SHANK2: variants seen among roughly 807,000 people sequenced by gnomAD.
SHANK2 encodes SH3 and multiple ankyrin repeat domains 2, also known as SH3 and multiple ankyrin repeat domains protein 2.
In SHANK2, 43 loss-of-function variants were observed where a neutral mutation model predicts 133.7. That is an observed-to-expected ratio of 0.32 (90% CI 0.25 to 0.41). The LOEUF is 0.41. Ranked by LOEUF, SHANK2 falls within the 10% of genes least tolerant of loss-of-function variation. The pLI is 1.00. For synonymous variants in SHANK2, 1,017 were observed against 952.8 expected (o/e 1.07, Z -1.24); for missense variants, 1,994 against 2,235.8 (o/e 0.89, Z 2.18).
chr11:71,099,772 G>T (rs781952827), intron 6 of SHANK2, among the ~76,000 whole-genome samples: 2 of 152,170 alleles, frequency 1.3e-5, no homozygotes, highest in Non-Finnish European at 2.9e-5. Flanking sequence ...GCAATTAGAG[G>T]CTGTGTTCAG....
At chr11:70,618,338 C>T (rs2060783445) in intron 17 of SHANK2, among the ~76,000 whole-genome samples, 4 of 151,060 alleles carry the variant, frequency 2.6e-5, no homozygotes, top group African/African-American at 7.3e-5. Context: ...TGATGTGATT[C>T]GTGCAGGGGT....
At chr11:70,828,668 GC>G (rs1329959091) in intron 11 of SHANK2, among the ~76,000 whole-genome samples, 1 of 152,236 alleles carries the variant, frequency 6.6e-6, no homozygotes, top group African/African-American at 2.4e-5. Context: ...ATTGCCATGT[GC>G]TGGCCTGGCT....
At chr11:70,602,417 C>G (rs957324252) in intron 17 of SHANK2, among the ~76,000 whole-genome samples, 1 of 152,168 alleles carries the variant, frequency 6.6e-6, no homozygotes, top group East Asian at 1.9e-4. Context: ...TCTCCTAACA[C>G]CTACACTCAG....
chr11:71,108,780 G>A (rs1343604970), intron 6 of SHANK2, among the ~76,000 whole-genome samples: 6 of 152,148 alleles, frequency 3.9e-5, no homozygotes, highest in African/African-American at 9.7e-5. Context: ...GCCTCCCAAC[G>A]TCACAGGCAT....
rs1949676663 is a variant in SHANK2 at position 70,882,721 on chromosome 11, G to GC, written c.1174+13779dup. ...ATCCCCACGGCTTTGCTAAAAGGCG[G>GC]CAGTGGCTTATCCTCATGTCCACAG... is the stretch of plus-strand genomic sequence containing the variant. On this transcript the variant is annotated intron_variant, in intron 11 of 25. Coordinates refer to ENST00000601538, the MANE Select transcript of SHANK2 (RefSeq NM_012309.5). This position sits in a 1 kb window ranked among gnomAD's most constrained non-coding sequence, Gnocchi z 4.2. 6.6e-6 allele frequency among the ~76,000 whole-genome samples: 1 copy of GC among 152,204 alleles called. No individual in the cohort carries two copies. Among genetic ancestry groups the GC allele is most frequent in the Non-Finnish European group, 1.5e-5 (1 of 68,040 alleles).
chr11:70,733,899 C>T (rs1946340414), intron 14 of SHANK2, among the ~76,000 whole-genome samples: 1 of 152,222 alleles, frequency 6.6e-6, no homozygotes, highest in African/African-American at 2.4e-5. Flanking sequence ...CCCCCAAGCA[C>T]TTGCTACCCC....
At chr11:71,128,442 C>T (rs577331461) in intron 3 of SHANK2, among the ~76,000 whole-genome samples, 1 of 152,262 alleles carries the variant, frequency 6.6e-6, no homozygotes, top group Non-Finnish European at 1.5e-5. Context: ...GCAGTACATA[C>T]AGCATGAGAC....
intron 10 of SHANK2, among the ~76,000 whole-genome samples, chr11:70,955,080 T>A (rs1950898508): frequency 6.6e-6 from 1 of 152,234 alleles, no homozygotes. Context: ...TCCCATTTCA[T>A]CCTTGTCCTT....
At chr11:71,131,705 A>T (rs1388372360) in intron 3 of SHANK2, among the ~76,000 whole-genome samples, 1 of 152,216 alleles carries the variant, frequency 6.6e-6, no homozygotes, top group African/African-American at 2.4e-5. Context: ...GATGCTGGCC[A>T]GAGAAGTCCC....
chr11:71,137,633 G>A (rs569546803), intron 3 of SHANK2, among the ~76,000 whole-genome samples: 3 of 152,268 alleles, frequency 2.0e-5, no homozygotes, highest in Admixed American at 6.5e-5. Context: ...AAGCCCTCCC[G>A]CCACCCACTC....
At chr11:70,849,626 T>C (rs111971102) in intron 11 of SHANK2, among the ~76,000 whole-genome samples, 20 of 152,310 alleles carry the variant, frequency 1.3e-4, no homozygotes, top group African/African-American at 2.6e-4. Flanking sequence ...ATATACATGT[T>C]AGCATGCAGT....
At chr11:70,789,980 C>A (rs1036830331) in intron 14 of SHANK2, among the ~76,000 whole-genome samples, 13 of 152,230 alleles carry the variant, frequency 8.5e-5, no homozygotes, top group African/African-American at 2.9e-4. Flanking sequence ...AGAGCCCTGG[C>A]CTGACAGTTT....
intron 10 of SHANK2, among the ~76,000 whole-genome samples, chr11:70,944,797 A>G (rs2135861126): frequency 6.6e-6 from 1 of 152,214 alleles, no homozygotes; most frequent in African/African-American, 2.4e-5. Flanking sequence ...CTGAACCTAC[A>G]AGATGACTCC....
rs149614500 is a variant in SHANK2, at chr11:70,602,270, T to A, written c.2061+57558A>T. Among the ~76,000 whole-genome samples the A allele has an allele frequency of 5.1e-3, 783 of 152,298 alleles. 2 individuals carry two copies. The highest frequency in any genetic ancestry group is 8.5e-3 in the Non-Finnish European group (575 of 68,022). On this transcript the variant is annotated intron_variant, in intron 17 of 25. Coordinates refer to ENST00000601538, the MANE Select transcript of SHANK2 (RefSeq NM_012309.5). ...TGCAGAACTGTGAGCCAATTACACC[T>A]CTTTTCTTATAAATTACCCAGTCAT...
At chr11:70,543,478 G>A (rs945651580) in intron 17 of SHANK2, among the ~76,000 whole-genome samples, 14 of 152,320 alleles carry the variant, frequency 9.2e-5, no homozygotes, top group Admixed American at 3.3e-4. Context: ...AATCATGTCC[G>A]TGTAATGAAA....
intron 11 of SHANK2, among the ~76,000 whole-genome samples, chr11:70,878,820 G>T (rs554484974): frequency 2.0e-5 from 3 of 152,268 alleles, no homozygotes; most frequent in Admixed American, 2.0e-4. Flanking sequence ...TTGTTCCAGG[G>T]TCATGAATGA....
At chr11:70,936,794 G>A (rs1333446976) in intron 10 of SHANK2, among the ~76,000 whole-genome samples, 1 of 152,176 alleles carries the variant, frequency 6.6e-6, no homozygotes, top group African/African-American at 2.4e-5. Context: ...GTTCCCAACA[G>A]CCCTCCCTAA....
intron 17 of SHANK2, among the ~76,000 whole-genome samples, chr11:70,637,610 C>T (rs1356628776): frequency 2.6e-5 from 4 of 152,200 alleles, no homozygotes; most frequent in African/African-American, 4.8e-5. Context: ...CGTGGGAGGC[C>T]GCTGCCCAGC....
rs3020047 is a variant in SHANK2, at chr11:71,224,720, T to C, written c.-36A>G. 91,785 of 152,062 alleles carry C rather than the reference T, an allele frequency of 0.6. 30,691 individuals carry two copies. Among genetic ancestry groups the C allele is most frequent in the African/African-American group, 0.87 (36,208 of 41,516 alleles). The allele number at this position is 152,062 out of a possible 1,614,324, so 9.4% of individuals were successfully genotyped here. On this transcript the variant is annotated 5_prime_UTR_variant, in exon 2 of 26. Transcript: ENST00000601538. Reference sequence around the variant, plus strand: ...ACCAGAGGTGTTGGGAGACTGAGCCTCACAGATGGCCTCTTAGAGCAGGAA... The same window carrying C: ...ACCAGAGGTGTTGGGAGACTGAGCCCCACAGATGGCCTCTTAGAGCAGGAA...
Sources: allele counts gnomAD v4.1 joint callset (sites outside exome capture counted in the v4.1 genomes callset), GRCh38; gene constraint gnomAD v4.1.1; non-coding constraint Gnocchi (gnomAD v3.1); transcripts MANE v1.5; gene names NCBI Gene and HGNC (gene_info 2026-07-23, HGNC 2026-07-21).